Variants in C6orf89 observed in about 807,000 individuals in gnomAD.
C6orf89 encodes the protein chromosome 6 open reading frame 89, also known as bombesin receptor-activated protein C6orf89.
Under a neutral mutation model 40.7 loss-of-function variants are expected in C6orf89, and 29 were observed. That is an observed-to-expected ratio of 0.71 (90% CI 0.53 to 0.97). C6orf89 has a LOEUF of 0.97. C6orf89 is among the 50% of genes least tolerant of loss of function. C6orf89 has a pLI of 0.00. For missense variants in C6orf89, 392 were observed against 429.1 expected, an observed-to-expected ratio of 0.91 and a Z score of 0.76; for synonymous variants, 165 against 152.2, an observed-to-expected ratio of 1.08 and a Z score of -0.62.
intron 1 of C6orf89, among the ~76,000 whole-genome samples, chr6:36,888,337 C>CAAAA (rs1775069680): frequency 6.6e-6 from 1 of 151,994 alleles, no homozygotes; most frequent in African/African-American, 2.4e-5. Context: ...ATTTGTGTTT[C>CAAAA]AAAAAAATAA....
chr6:36,887,741 A>G (rs1487437626), intron 1 of C6orf89, among the ~76,000 whole-genome samples: 1 of 152,216 alleles, frequency 6.6e-6, no homozygotes, highest in African/African-American at 2.4e-5. Flanking sequence ...TAAAAAAGAC[A>G]GGAATCTCAT....
At chr6:36,882,886 C>T (rs1259886363), upstream of C6orf89, among the ~76,000 whole-genome samples, 2 of 151,284 alleles carry the variant, frequency 1.3e-5, no homozygotes, top group African/African-American at 2.4e-5. Flanking sequence ...TACAGGCGCC[C>T]GCCACCGCGC....
intron 1 of C6orf89, among the ~76,000 whole-genome samples, chr6:36,875,294 GTAT>G (rs1774622890): frequency 6.6e-6 from 1 of 152,314 alleles, no homozygotes; most frequent in South Asian, 2.1e-4. Flanking sequence ...TAAGTAGATA[GTAT>G]TATTACCATT....
chr6:36,908,482 T>G (rs1762006730), intron 4 of C6orf89, among the ~76,000 whole-genome samples: 1 of 152,176 alleles, frequency 6.6e-6, no homozygotes, highest in Non-Finnish European at 1.5e-5. Context: ...AAGTAATATT[T>G]CTCATCTCTA....
intron 1 of C6orf89, among the ~76,000 whole-genome samples, chr6:36,890,160 C>T (rs1761138750): frequency 6.6e-6 from 1 of 152,210 alleles, no homozygotes; most frequent in Non-Finnish European, 1.5e-5. Context: ...GAACACTTAA[C>T]ATAAGACCTA....
At chr6:36,921,142 A>G (rs1164155091) in intron 8 of C6orf89, among the ~76,000 whole-genome samples, 1 of 151,342 alleles carries the variant, frequency 6.6e-6, no homozygotes, top group Non-Finnish European at 1.5e-5. Flanking sequence ...TGTCTATAAA[A>G]GGCCAGTCAC....
At chr6:36,908,525 A>G (rs1212698230) in intron 4 of C6orf89, among the ~76,000 whole-genome samples, 1 of 152,246 alleles carries the variant, frequency 6.6e-6, no homozygotes, top group African/African-American at 2.4e-5. Context: ...GCAACTGCTA[A>G]TAATAACTTG....
At chr6:36,906,672 G>A (rs6912602) in intron 4 of C6orf89, among the ~76,000 whole-genome samples, 38,437 of 152,026 alleles carry the variant, frequency 0.25, 5,082 homozygotes, top group East Asian at 0.35. Flanking sequence ...TTCCCTCTAC[G>A]GTGTGTGAAA....
intron 4 of C6orf89, among the ~76,000 whole-genome samples, chr6:36,907,365 G>C (rs1339988204): frequency 6.6e-6 from 1 of 152,062 alleles, no homozygotes; most frequent in African/African-American, 2.4e-5. Flanking sequence ...AGAATTCCAG[G>C]ATATGTTATG....
intron 3 of C6orf89, 141 bp downstream of exon 3, chr6:36,899,774 T>G: frequency 1.4e-6 from 1 of 730,868 alleles, no homozygotes; most frequent in Non-Finnish European, 2.3e-6. Context: ...TGTTACCATG[T>G]GTTACTAGGA....
Position 36,902,411 on chromosome 6 carries a change from G to A in C6orf89, c.380G>A (p.Gly127Asp), listed in dbSNP as rs1044895443. The change falls in exon 4 of 9, where the codon GGT becomes GAT. Residue 127 changes from glycine (G) to aspartate (D), a missense_variant. Gly to Asp is a moderately conservative substitution (Grantham distance 94). Coordinates refer to ENST00000480824, the MANE Select transcript of C6orf89 (RefSeq NM_001286635.2). ...AATAAGGGAGTTCCTCTGCATGGGG[G>A]TGATGAAGACAGACCCTTTCCAGGT... ...SENKGVPLHG[G>D]DEDRPFPDFD... 6.2e-7 allele frequency: 1 copy of A among 1,614,000 alleles called. No individual in the cohort carries two copies. The highest frequency in any genetic ancestry group is 1.1e-5 in the South Asian group (1 of 91,088).
chr6:36,905,717 G>C (rs1382933555), intron 4 of C6orf89, among the ~76,000 whole-genome samples: 1 of 152,022 alleles, frequency 6.6e-6, no homozygotes, highest in Admixed American at 6.6e-5. Context: ...TATCTTTATA[G>C]TCACTTTACT....
chr6:36,884,376 G>A (rs1774904645), upstream of C6orf89, among the ~76,000 whole-genome samples: 1 of 152,108 alleles, frequency 6.6e-6, no homozygotes, highest in Non-Finnish European at 1.5e-5. The surrounding 1 kb of genome is among the most constrained non-coding windows in gnomAD (Gnocchi z 4.0). Context: ...AATTTTAGGT[G>A]GTTTGGCTTA....
chr6:36,914,838 A>T (rs1762258045), intron 6 of C6orf89, 145 bp downstream of exon 6: 1 of 961,422 alleles, frequency 1.0e-6, no homozygotes, highest in East Asian at 2.6e-5. Context: ...AAAAATACAA[A>T]AATTAGCCAG....
chr6:36,918,462 T>G (rs1762399591), intron 7 of C6orf89, among the ~76,000 whole-genome samples: 1 of 152,148 alleles, frequency 6.6e-6, no homozygotes, highest in Non-Finnish European at 1.5e-5. Context: ...CATTAGCCGG[T>G]GAAATGGCTC....
chr6:36,898,951 A>G (rs1280139193), intron 2 of C6orf89, among the ~76,000 whole-genome samples: 1 of 152,214 alleles, frequency 6.6e-6, no homozygotes, highest in Non-Finnish European at 1.5e-5. Context: ...CTCTCAGTAA[A>G]TCACCTTCAG....
intron 2 of C6orf89, among the ~76,000 whole-genome samples, chr6:36,897,037 G>C (rs959727911): frequency 2.0e-5 from 3 of 150,814 alleles, no homozygotes; most frequent in Non-Finnish European, 4.4e-5. Context: ...GCTGAGGCAG[G>C]AGAATCGCTT....
rs60381134 is a variant in C6orf89 at position 36,901,321 on chromosome 6, A to ATTTT, written c.190-872_190-869dup. Among the ~76,000 whole-genome samples, 157 of 18,856 alleles carry ATTTT rather than the reference A, an allele frequency of 8.3e-3. 10 individuals are homozygous for ATTTT. Among genetic ancestry groups the ATTTT allele is most frequent in the East Asian group, 9.1e-3 (5 of 550 alleles). The allele number at this position is 18,856 out of a possible 152,430, so 12.4% of individuals were successfully genotyped here. A position where few individuals can be genotyped will look rare whatever the true frequency, so the allele number is the denominator to read the frequency against. ...TATTATTATTATTATTATTATTATT[A>ATTTT]TTTTTTTTTTTTTTTTTTTTTTTTT... On this transcript the variant is annotated intron_variant, in intron 3 of 8. Coordinates refer to ENST00000480824, the MANE Select transcript of C6orf89 (RefSeq NM_001286635.2).
chr6:36,887,538 A>T (rs1775040343), intron 1 of C6orf89, among the ~76,000 whole-genome samples: 1 of 152,228 alleles, frequency 6.6e-6, no homozygotes, highest in South Asian at 2.1e-4. Context: ...AGAGTCTTAA[A>T]GAGTTCACTT....
Sources: gnomAD v4.1 joint callset for allele counts (sites outside exome capture counted in the v4.1 genomes callset) on GRCh38, gnomAD v4.1.1 for gene constraint, Gnocchi (gnomAD v3.1) non-coding constraint, MANE v1.5 for transcripts, NCBI Gene and HGNC (gene_info 2026-07-23, HGNC 2026-07-21) for gene names.